KCNAB1: variants seen among roughly 807,000 people sequenced by gnomAD.
The protein encoded by KCNAB1 is voltage-gated potassium channel subunit beta-1.
KCNAB1 carries 35 observed loss-of-function variants against 64.6 expected under a neutral mutation model. The ratio of observed to expected loss-of-function variants is 0.54; its 90% CI spans 0.41 to 0.72. The LOEUF is 0.72. KCNAB1 is among the 30% of genes least tolerant of loss of function. The pLI, the probability that KCNAB1 is intolerant of heterozygous loss-of-function variation, is 0.00. For synonymous variants in KCNAB1, 177 were observed against 183.8 expected (o/e 0.96, Z 0.30); for missense variants, 401 against 512.9 (o/e 0.78, Z 2.11).
At chr3:156,451,510 G>A (rs541700345) in intron 2 of KCNAB1, among the ~76,000 whole-genome samples, 11 of 152,282 alleles carry the variant, frequency 7.2e-5, no homozygotes, top group Admixed American at 4.6e-4. Flanking sequence ...GTTAATTTTC[G>A]ATTCCTCATC....
At chr3:156,405,617 T>C (rs941411351) in intron 1 of KCNAB1, among the ~76,000 whole-genome samples, 6 of 152,256 alleles carry the variant, frequency 3.9e-5, no homozygotes, top group African/African-American at 1.4e-4. Context: ...TTTATATTTT[T>C]AGTGACTATT....
At chr3:156,147,976 CACAA>C (rs1715151496) in intron 1 of KCNAB1, among the ~76,000 whole-genome samples, 1 of 151,990 alleles carries the variant, frequency 6.6e-6, no homozygotes, top group Non-Finnish European at 1.5e-5. Flanking sequence ...CACACGCACA[CACAA>C]ACACACACCG....
At chr3:156,368,426 G>A (rs974255601) in intron 1 of KCNAB1, among the ~76,000 whole-genome samples, 3 of 152,078 alleles carry the variant, frequency 2.0e-5, no homozygotes, top group African/African-American at 7.2e-5. Flanking sequence ...TTCACTCTTT[G>A]TTTTCTTAAT....
At chr3:156,416,783 C>T (rs1433728428) in intron 1 of KCNAB1, among the ~76,000 whole-genome samples, 2 of 152,002 alleles carry the variant, frequency 1.3e-5, no homozygotes, top group African/African-American at 4.8e-5. Flanking sequence ...CTCTTTTTTC[C>T]ACACTTCTCT....
chr3:156,240,254 C>CT (rs1011612635), intron 1 of KCNAB1, among the ~76,000 whole-genome samples: 27 of 152,116 alleles, frequency 1.8e-4, no homozygotes, highest in African/African-American at 6.5e-4. Flanking sequence ...CCTCCTTTGT[C>CT]TTTCTCCTTT....
intron 1 of KCNAB1, among the ~76,000 whole-genome samples, chr3:156,395,376 T>G (rs1015097321): frequency 8.7e-5 from 13 of 149,356 alleles, no homozygotes; most frequent in African/African-American, 9.9e-5. Flanking sequence ...AAACCCCGTC[T>G]CTACTAAAAA....
At position 156,514,418 on chromosome 3, in the gene KCNAB1, G is replaced by C. The variant is rs747620348; in HGVS notation, c.713G>C (p.Gly238Ala). ...AACCAAGGCATGGCGATGTACTGGG[G>C]CACCTCGAGATGGAGTGCTATGGAG... ...VINQGMAMYW[G>A]TSRWSAMEIM... Residue 238 changes from glycine to alanine, a missense_variant, in exon 9 of 14, where the codon GGC becomes GCC. Physicochemically the swap from Gly to Ala is moderately conservative, Grantham distance 60 (BLOSUM62 0). Coordinates refer to ENST00000490337, the MANE Select transcript of KCNAB1 (RefSeq NM_172160.3). The C allele has an allele frequency of 8.7e-6, 14 of 1,613,916 alleles. No individual in the cohort carries two copies. The Admixed American group carries it at 1.7e-4, about 19-fold the overall frequency.
chr3:156,464,488 T>A (rs3796169), intron 6 of KCNAB1, among the ~76,000 whole-genome samples: 4,573 of 130,396 alleles, frequency 0.035, 214 homozygotes, highest in African/African-American at 0.12. Context: ...CGCAAAAAAA[T>A]AATAATAATA....
chr3:156,370,728 C>T (rs1402937422), intron 1 of KCNAB1, among the ~76,000 whole-genome samples: 1 of 152,180 alleles, frequency 6.6e-6, no homozygotes, highest in Non-Finnish European at 1.5e-5. Context: ...TTCTGTTAAA[C>T]TCAATAGGGA....
intron 1 of KCNAB1, among the ~76,000 whole-genome samples, chr3:156,265,714 G>T (rs1351798764): frequency 6.6e-6 from 1 of 152,182 alleles, no homozygotes; most frequent in Admixed American, 6.5e-5. Context: ...AACCTGTGAG[G>T]CCGGGTGCAG....
intron 7 of KCNAB1, among the ~76,000 whole-genome samples, chr3:156,472,089 C>T (rs1713944618): frequency 6.6e-6 from 1 of 152,168 alleles, no homozygotes; most frequent in Non-Finnish European, 1.5e-5. Flanking sequence ...TACTTAGACT[C>T]AACTTGGCTC....
intron 1 of KCNAB1, among the ~76,000 whole-genome samples, chr3:156,301,666 C>A (rs902313353): frequency 1.1e-4 from 16 of 152,206 alleles, no homozygotes; most frequent in African/African-American, 3.6e-4. Flanking sequence ...GTTTCACTTT[C>A]ACTCAAATAC....
At chr3:156,224,940 CAAAA>C (rs1169449964) in intron 1 of KCNAB1, among the ~76,000 whole-genome samples, 1 of 151,622 alleles carries the variant, frequency 6.6e-6, no homozygotes, top group African/African-American at 2.4e-5. Context: ...CAATTGTCAA[CAAAA>C]AAAAGTTCAG....
intron 1 of KCNAB1, among the ~76,000 whole-genome samples, chr3:156,385,073 A>T (rs1488774649): frequency 6.6e-6 from 1 of 152,220 alleles, no homozygotes; most frequent in Non-Finnish European, 1.5e-5. Flanking sequence ...TTGTGCAAGT[A>T]GAGTTTGCCT....
chr3:156,351,902 T>A (rs939494074), intron 1 of KCNAB1, among the ~76,000 whole-genome samples: 2 of 152,196 alleles, frequency 1.3e-5, no homozygotes, highest in Non-Finnish European at 2.9e-5. Context: ...TGCTCCCGCT[T>A]GGCTTTGAGT....
At chr3:156,248,553 G>GT (rs1358541209) in intron 1 of KCNAB1, among the ~76,000 whole-genome samples, 15 of 143,884 alleles carry the variant, frequency 1.0e-4, no homozygotes, top group Non-Finnish European at 1.8e-4. Context: ...GCTTACAGAT[G>GT]TAAGTACTAT....
At chr3:156,158,185 AATAAAT>A (rs1468636317) in intron 1 of KCNAB1, among the ~76,000 whole-genome samples, 4,748 of 97,750 alleles carry the variant, frequency 0.049, 206 homozygotes, top group East Asian at 0.14. Context: ...ATAAAAAATA[AATAAAT>A]AAATAAATAA....
intron 1 of KCNAB1, among the ~76,000 whole-genome samples, chr3:156,333,940 C>T (rs968650156): frequency 3.0e-5 from 4 of 133,012 alleles, no homozygotes; most frequent in Admixed American, 7.1e-5. Context: ...GATGTGTTTG[C>T]GCTCTTTATA....
At chr3:156,157,512 A>G (rs1042709711) in intron 1 of KCNAB1, among the ~76,000 whole-genome samples, 10 of 152,196 alleles carry the variant, frequency 6.6e-5, no homozygotes, top group African/African-American at 2.2e-4. Context: ...CTCTTATTCT[A>G]TGGTATATTT....
Sources: allele counts gnomAD v4.1 joint callset (sites outside exome capture counted in the v4.1 genomes callset), GRCh38; gene constraint gnomAD v4.1.1; transcripts MANE v1.5; gene names NCBI Gene and HGNC (gene_info 2026-07-23, HGNC 2026-07-21).